The following GRAMD1A variants were observed in gnomAD, a reference collection of about 807,000 sequenced individuals.
GRAMD1A encodes the protein protein Aster-A.
Under a neutral mutation model 92.0 loss-of-function variants are expected in GRAMD1A, and 50 were observed. The ratio of observed to expected loss-of-function variants is 0.54; its 90% CI spans 0.43 to 0.69. The LOEUF is 0.69. GRAMD1A is among the 30% of genes least tolerant of loss of function. The probability of loss-of-function intolerance (pLI) is 0.00; values close to 1 mark genes in which losing one functional copy is unlikely to be tolerated. For missense variants in GRAMD1A, 819 were observed against 978.9 expected, an observed-to-expected ratio of 0.84 and a Z score of 2.18; for synonymous variants, 405 against 403.6, an observed-to-expected ratio of 1.00 and a Z score of -0.04.
Position 35,019,209 on chromosome 19 carries a change from G to A in GRAMD1A, c.1232G>A (p.Trp411Ter). 6.2e-7 allele frequency: 1 copy of A among 1,611,638 alleles called. No homozygotes were observed. The highest frequency in any genetic ancestry group is 8.5e-7 in the Non-Finnish European group (1 of 1,178,114). Residue 411 changes from tryptophan to a stop codon, truncating the protein, a stop_gained, in exon 12 of 20, where the codon TGG (tryptophan) becomes TAG (stop). Transcript: ENST00000317991. LOFTEE classifies it high-confidence loss of function. ...CKFTDVTLSP[W>*]SGDSKCHQRR... is the part of the protein sequence containing the mutation. The stretch of plus-strand genomic sequence containing the variant: ...CCTCTAGACGTGACGCTGAGCCCCT[G>A]GAGTGGGGACAGCAAGTGCCACCAG...
chr19:35,000,461 GC>G lies in GRAMD1A; in HGVS notation c.-15del. ...CTGCCCTGCCCTGCGCCCGGGGCGC[GC>G]CCACCGCGCCGCATCCATGTTCGAG... On this transcript the variant is annotated 5_prime_UTR_variant, in exon 1 of 20. Coordinates refer to ENST00000317991, the MANE Select transcript of GRAMD1A (RefSeq NM_020895.5). This position sits in a 1 kb window ranked among gnomAD's most constrained non-coding sequence, Gnocchi z 4.9. 8.1e-7 allele frequency: 1 copy of G among 1,240,934 alleles called. No homozygotes were observed. The highest frequency in any genetic ancestry group is 2.8e-5 in the South Asian group (1 of 35,466). 76.9% of individuals were successfully genotyped at this position (1,240,934 alleles called of 1,614,324 possible).
intron 1 of GRAMD1A, among the ~76,000 whole-genome samples, chr19:35,005,482 A>G (rs2014742951): frequency 6.6e-6 from 1 of 151,862 alleles, no homozygotes; most frequent in Non-Finnish European, 1.5e-5. Context: ...AGGGCTGATG[A>G]GGGCAGAGAG....
rs777505448 is a variant in GRAMD1A, at chr19:35,013,509, A to G, written c.720-32A>G. The G allele has an allele frequency of 1.3e-6, 2 of 1,584,236 alleles. No homozygotes were observed. Among genetic ancestry groups the G allele is most frequent in the South Asian group, 2.3e-5 (2 of 87,470 alleles). ...GGAGGGTGTATGGGGTCTCAAGGAC[A>G]CAGCAGTCCCGCTTCCTCCCCTTTC... On this transcript the variant is annotated intron_variant, in intron 8 of 19. Transcript: ENST00000317991. The surrounding 1 kb of genome is among the most constrained non-coding windows in gnomAD (Gnocchi z 4.9).
At chr19:35,020,638 G>A (rs55830014) in intron 13 of GRAMD1A, among the ~76,000 whole-genome samples, 9,535 of 142,090 alleles carry the variant, frequency 0.067, 422 homozygotes, top group African/African-American at 0.12. Flanking sequence ...CAGCCTGGGC[G>A]ACAGAGCAAG....
Position 35,003,974 on chromosome 19 carries a change from C to T in GRAMD1A, c.8+3488C>T, listed in dbSNP as rs139785275. Among the ~76,000 whole-genome samples the T allele has an allele frequency of 3.0e-3, 452 of 152,336 alleles. 2 individuals are homozygous for T. Among genetic ancestry groups the T allele is most frequent in the African/African-American group, 0.01 (431 of 41,580 alleles). On this transcript the variant is annotated intron_variant, in intron 1 of 19. Transcript: ENST00000317991. ...GGGCACAGTGGCTCATGCCTGTAAT[C>T]CCAGCACTTTGGGAGGCCAAGGTGG...
intron 5 of GRAMD1A, 40 bp downstream of exon 5, chr19:35,010,235 C>T: frequency 6.3e-7 from 1 of 1,587,264 alleles, no homozygotes; most frequent in South Asian, 1.1e-5. Flanking sequence ...GCGGGGGCCC[C>T]CATGGCCAGG....
At chr19:34,997,709 A>T (rs928244057), upstream of GRAMD1A, among the ~76,000 whole-genome samples, 1 of 152,184 alleles carries the variant, frequency 6.6e-6, no homozygotes, top group Non-Finnish European at 1.5e-5. Context: ...GTATCTTTTT[A>T]AAAAGATACT....
At chr19:35,009,726 A>G in intron 3 of GRAMD1A, 162 bp from the exon 4 acceptor site, 1 of 657,062 alleles carries the variant, frequency 1.5e-6, no homozygotes. Flanking sequence ...CCCGGCTTAC[A>G]TAAGAAATCT....
intron 1 of GRAMD1A, among the ~76,000 whole-genome samples, chr19:35,004,622 C>T (rs1437188838): frequency 9.9e-5 from 15 of 151,946 alleles, no homozygotes; most frequent in African/African-American, 2.4e-4. Flanking sequence ...TTCCTTGTGG[C>T]GGGTGCAGGG....
Position 35,021,362 on chromosome 19 carries a change from G to T in GRAMD1A, c.1476-140G>T. 1.5e-6 allele frequency: 1 copy of T among 666,500 alleles called. No individual in the cohort carries two copies. The allele number at this position is 666,500 out of a possible 1,614,324, so 41.3% of individuals were successfully genotyped here. ...GGGGTATCCAGGGAAGCCATGGGGG[G>T]TAGGGAACCCATCTGTTTTGTCTGT... On this transcript the variant is annotated intron_variant, in intron 13 of 19. Coordinates refer to ENST00000317991, the MANE Select transcript of GRAMD1A (RefSeq NM_020895.5). This position sits in a 1 kb window ranked among gnomAD's most constrained non-coding sequence, Gnocchi z 5.3.
intron 6 of GRAMD1A, among the ~76,000 whole-genome samples, chr19:35,011,208 C>T (rs1241394395): frequency 6.6e-6 from 1 of 152,130 alleles, no homozygotes; most frequent in East Asian, 1.9e-4. Context: ...TGGGCTGACC[C>T]TGTCTAGAGA....
rs188893546 is a variant in GRAMD1A at position 35,021,057 on chromosome 19, C to T, written c.1476-445C>T. The stretch of plus-strand genomic sequence containing the variant: ...CATTTGGCCCAAATCACTACAACTT[C>T]GGAGCTGCCCTTGACCCAGATGGGG... On this transcript the variant is annotated intron_variant, in intron 13 of 19. Transcript: ENST00000317991. The surrounding 1 kb of genome is among the most constrained non-coding windows in gnomAD (Gnocchi z 5.3). 1.8e-4 allele frequency among the ~76,000 whole-genome samples: 27 copies of T among 152,290 alleles called. No homozygotes were observed. Among genetic ancestry groups the T allele is most frequent in the Admixed American group, 1.3e-3 (20 of 15,290 alleles).
At chr19:34,996,609 C>G (rs377090575), upstream of GRAMD1A, among the ~76,000 whole-genome samples, 2 of 152,132 alleles carry the variant, frequency 1.3e-5, no homozygotes, top group African/African-American at 4.8e-5. Context: ...CAGTTCAAGA[C>G]CAGCCTGGCC....
At position 35,000,370 on chromosome 19, in the gene GRAMD1A, C is replaced by A; in HGVS notation, c.-109C>A. 8.9e-7 allele frequency: 1 copy of A among 1,122,204 alleles called. No individual in the cohort carries two copies. The highest frequency in any genetic ancestry group is 1.1e-6 in the Non-Finnish European group (1 of 918,886). 69.5% of individuals were successfully genotyped at this position (1,122,204 alleles called of 1,614,324 possible). A position where few individuals can be genotyped will look rare whatever the true frequency, so the allele number is the denominator to read the frequency against. The stretch of plus-strand genomic sequence containing the variant: ...GGGTGGGGGCGGCGGCCGCGGAAGG[C>A]CAGGCCGGTGCCCTGCGGGGACGCC... On this transcript the variant is annotated 5_prime_UTR_variant, in exon 1 of 20. Coordinates refer to ENST00000317991, the MANE Select transcript of GRAMD1A (RefSeq NM_020895.5). This position sits in a 1 kb window ranked among gnomAD's most constrained non-coding sequence, Gnocchi z 4.9.
Position 35,017,608 on chromosome 19 carries a change from A to C in GRAMD1A, c.1214-1583A>C, listed in dbSNP as rs537851300. Among the ~76,000 whole-genome samples, 482 of 152,108 alleles carry C rather than the reference A, an allele frequency of 3.2e-3. 2 individuals are homozygous for C. Among genetic ancestry groups the C allele is most frequent in the Non-Finnish European group, 4.4e-3 (302 of 67,978 alleles). On this transcript the variant is annotated intron_variant, in intron 11 of 19. Transcript: ENST00000317991. ...TCTCCATACCTGGCTGCCCCATCCC[A>C]GCCTCAGGGGACTTCTCTCAATATT...
At chr19:35,007,935 G>T (rs1242913748) in intron 1 of GRAMD1A, among the ~76,000 whole-genome samples, 2 of 152,140 alleles carry the variant, frequency 1.3e-5, no homozygotes, top group Non-Finnish European at 2.9e-5. Context: ...AGAAAATAAA[G>T]AAATTAAGAA....
At chr19:35,007,571 TAATAGA>T (rs1344362015) in intron 1 of GRAMD1A, among the ~76,000 whole-genome samples, 3 of 146,058 alleles carry the variant, frequency 2.1e-5, no homozygotes, top group African/African-American at 7.6e-5. Flanking sequence ...AAAATAAAAA[TAATAGA>T]AATAGAGCTG....
intron 19 of GRAMD1A, 127 bp downstream of exon 19, chr19:35,023,674 C>T (rs1337974935): frequency 4.6e-6 from 4 of 867,400 alleles, no homozygotes; most frequent in Admixed American, 3.1e-5. Context: ...ATGAGGAAGC[C>T]GCTCAGAGTC....
intron 1 of GRAMD1A, among the ~76,000 whole-genome samples, chr19:35,007,662 T>G (rs2014922244): frequency 6.6e-6 from 1 of 151,616 alleles, no homozygotes; most frequent in Non-Finnish European, 1.5e-5. Flanking sequence ...AGGTCAGGAG[T>G]TTGAGAACAG....
Sources: allele counts gnomAD v4.1 joint callset (sites outside exome capture counted in the v4.1 genomes callset), GRCh38; gene constraint gnomAD v4.1.1; non-coding constraint Gnocchi (gnomAD v3.1); transcripts MANE v1.5; gene names NCBI Gene and HGNC (gene_info 2026-07-23, HGNC 2026-07-21).